SLC60A2: variants seen among roughly 807,000 people sequenced by gnomAD.
SLC60A2 encodes the protein solute carrier family 60 member 2, also known as major facilitator superfamily domain containing 4B.
the SLC60A2 span, chr6:111,259,379 C>G: frequency 2.2e-5 from 8 of 361,014 alleles, no homozygotes; most frequent in Non-Finnish European, 3.5e-5. Flanking sequence ...TGCGGCGTGC[C>G]GAAGTTCCTC....
chr6:111,265,939 A>G, the SLC60A2 span: 1 of 1,614,026 alleles, frequency 6.2e-7, no homozygotes, highest in East Asian at 2.2e-5. Flanking sequence ...CAGGCCTTAC[A>G]CTTCTCTTTT....
At chr6:111,266,059 C>G in the SLC60A2 span, 1 of 1,614,070 alleles carries the variant, frequency 6.2e-7, no homozygotes, top group African/African-American at 1.3e-5. Context: ...AACCAATCAT[C>G]TGATGCTGAC....
At chr6:111,272,039 A>T in the SLC60A2 span, among the ~76,000 whole-genome samples, 2 of 151,996 alleles carry the variant, frequency 1.3e-5, no homozygotes, top group African/African-American at 4.8e-5. Flanking sequence ...TGCTACTTAA[A>T]AGTTATTTTT....
the SLC60A2 span, among the ~76,000 whole-genome samples, chr6:111,273,509 T>G: frequency 4.1e-4 from 59 of 143,880 alleles, no homozygotes; most frequent in African/African-American, 1.2e-3. Flanking sequence ...TTTTTTTTTT[T>G]TTTTGTTTAA....
At chr6:111,277,831 G>A in the SLC60A2 span, 13 of 152,176 alleles carry the variant, frequency 8.5e-5, no homozygotes, top group Non-Finnish European at 1.9e-4. Context: ...TAGGCAAGAA[G>A]GCTTAGGAAG....
the SLC60A2 span, among the ~76,000 whole-genome samples, chr6:111,279,881 A>C: frequency 1.1e-4 from 16 of 152,174 alleles, no homozygotes; most frequent in Admixed American, 4.6e-4. Flanking sequence ...TCAACACTGC[A>C]GTGAGCCATG....
the SLC60A2 span, among the ~76,000 whole-genome samples, chr6:111,271,608 G>C: frequency 6.6e-6 from 1 of 151,400 alleles, no homozygotes. Context: ...GAGATGATCA[G>C]TAGATTCCTT....
chr6:111,266,697 A>G, the SLC60A2 span: 1 of 1,614,212 alleles, frequency 6.2e-7, no homozygotes, highest in African/African-American at 1.3e-5. Flanking sequence ...TCTTCAAGGA[A>G]AATACCCTGA....
chr6:111,267,435 T>C, the SLC60A2 span: 1 of 228,908 alleles, frequency 4.4e-6, no homozygotes, highest in East Asian at 9.3e-5. Context: ...GGGGGTATTC[T>C]CAGAATGAGA....
chr6:111,266,410 G>A, the SLC60A2 span: 4 of 1,614,052 alleles, frequency 2.5e-6, no homozygotes, highest in Admixed American at 3.3e-5. Context: ...GCCTGCAGGG[G>A]CCTGGCAATC....
chr6:111,265,146 C>T, the SLC60A2 span: 1 of 313,156 alleles, frequency 3.2e-6, no homozygotes, highest in Non-Finnish European at 4.6e-6. Flanking sequence ...CAGCTTTCTA[C>T]CCCTCCCTTC....
At chr6:111,265,999 C>A in the SLC60A2 span, 19 of 1,614,012 alleles carry the variant, frequency 1.2e-5, no homozygotes, top group Non-Finnish European at 1.6e-5. Context: ...GCTTTGGGTC[C>A]GACAGCGTCT....
chr6:111,271,106 T>C, the SLC60A2 span: 1 of 123,796 alleles, frequency 8.1e-6, no homozygotes, highest in African/African-American at 3.1e-5. Flanking sequence ...CCGGGTGCGG[T>C]GGCTCACGCC....
the SLC60A2 span, chr6:111,268,472 A>G: frequency 6.6e-6 from 1 of 152,228 alleles, no homozygotes; most frequent in Admixed American, 6.5e-5. Flanking sequence ...TTCAATTATG[A>G]TAGTATCTTT....
chr6:111,266,766 C>T, the SLC60A2 span: 3 of 1,614,100 alleles, frequency 1.9e-6, no homozygotes, highest in Non-Finnish European at 2.5e-6. Flanking sequence ...TATTTTATTT[C>T]CTGTGCTATA....
At chr6:111,268,619 G>A in the SLC60A2 span, 1 of 152,110 alleles carries the variant, frequency 6.6e-6, no homozygotes, top group Non-Finnish European at 1.5e-5. Flanking sequence ...GGGGTCTTTC[G>A]AGGTCCTTTG....
At chr6:111,259,781 G>A in the SLC60A2 span, 4 of 1,522,322 alleles carry the variant, frequency 2.6e-6, no homozygotes, top group South Asian at 1.2e-5. Flanking sequence ...TCTTGCCTTC[G>A]CCACTTGCAA....
chr6:111,275,213 C>T, the SLC60A2 span, among the ~76,000 whole-genome samples: 3 of 151,944 alleles, frequency 2.0e-5, no homozygotes, highest in African/African-American at 4.8e-5. Context: ...CACTCTGTGA[C>T]TATTCTTATA....
At chr6:111,274,726 C>A in the SLC60A2 span, among the ~76,000 whole-genome samples, 1 of 152,064 alleles carries the variant, frequency 6.6e-6, no homozygotes, top group Non-Finnish European at 1.5e-5. Flanking sequence ...TGGTGATTAT[C>A]ATCTTTTTGC....
Sources: gnomAD v4.1 joint callset for allele counts (sites outside exome capture counted in the v4.1 genomes callset) on GRCh38, gnomAD v4.1.1 for gene constraint, MANE v1.5 for transcripts, NCBI Gene and HGNC (gene_info 2026-07-23, HGNC 2026-07-21) for gene names.